The following RNF213 variants were observed in gnomAD, a reference collection of about 807,000 sequenced individuals.
The protein encoded by RNF213 is E3 ubiquitin-protein ligase RNF213.
Under a neutral mutation model 514.4 loss-of-function variants are expected in RNF213, and 341 were observed. That is an observed-to-expected ratio of 0.66 (90% CI 0.61 to 0.73). RNF213 has a LOEUF of 0.73. Among genes scored for constraint, RNF213 ranks in the 30% least tolerant of loss-of-function variants. The pLI is 0.00. For missense variants in RNF213, 5,767 were observed against 6,615.6 expected, an observed-to-expected ratio of 0.87 and a Z score of 4.45; for synonymous variants, 2,655 against 2,658.2, an observed-to-expected ratio of 1.00 and a Z score of 0.04.
In RNF213 at chr17:80,387,274, TTGTG is replaced by T. The variant is rs1282501769; in HGVS notation, c.14922+385_14922+388del. 2.0e-5 allele frequency among the ~76,000 whole-genome samples: 3 copies of T among 151,900 alleles called. 1 individual carries two copies. Among genetic ancestry groups the T allele is most frequent in the Admixed American group, 1.3e-4 (2 of 15,304 alleles). ...GTGTGCACCACCATGCCCAGCTAAT[TTGTG>T]TATTTTTTGGTAGAGATGGGGCTTC... On this transcript the variant is annotated intron_variant, in intron 63 of 67. Coordinates refer to ENST00000582970, the MANE Select transcript of RNF213 (RefSeq NM_001256071.3).
intron 11 of RNF213, among the ~76,000 whole-genome samples, chr17:80,299,753 C>T (rs1180331618): frequency 5.9e-5 from 9 of 151,996 alleles, no homozygotes; most frequent in Non-Finnish European, 1.5e-5. Flanking sequence ...TGTGTTGTTC[C>T]CCTCTATGTG....
In RNF213 at chr17:80,343,717, C is replaced by T. The variant is rs1346400741; in HGVS notation, c.6184-140C>T. 54 of 883,986 alleles carry T rather than the reference C, an allele frequency of 6.1e-5. No homozygotes were observed. Among genetic ancestry groups the T allele is most frequent in the Non-Finnish European group, 1.0e-4 (53 of 522,120 alleles). 54.8% of individuals were successfully genotyped at this position (883,986 alleles called of 1,614,324 possible). A position where few individuals can be genotyped will look rare whatever the true frequency, so the allele number is the denominator to read the frequency against. On this transcript the variant is annotated intron_variant, in intron 27 of 67. Coordinates refer to ENST00000582970, the MANE Select transcript of RNF213 (RefSeq NM_001256071.3). This position sits in a 1 kb window ranked among gnomAD's most constrained non-coding sequence, Gnocchi z 4.3. ...GATTTTATGGGGCTGCCCTTGGAGA[C>T]ATGGGCCGTTGTTGGCTGAAATGTT...
At position 80,327,930 on chromosome 17, in the gene RNF213, T is replaced by G; in HGVS notation, c.3308T>G (p.Val1103Gly). The change falls in exon 19 of 68, where the codon GTT (valine) becomes GGT (glycine). Residue 1103 changes from valine to glycine, a missense_variant. Transcript: ENST00000582970. ...GACCTCCTAAGTGGCACGATTTTAG[T>G]TGGACAACTGGAGCTGATTATAAAG... The part of the protein sequence containing the change: ...VGDLLSGTIL[V>G]GQLELIIKHK... 6.5e-7 allele frequency: 1 copy of G among 1,537,252 alleles called. No homozygotes were observed.
intron 14 of RNF213, among the ~76,000 whole-genome samples, chr17:80,311,198 A>G (rs2045558541): frequency 6.6e-6 from 1 of 152,224 alleles, no homozygotes; most frequent in South Asian, 2.1e-4. Flanking sequence ...ATAAAAGCAA[A>G]CAAACAAACA....
At chr17:80,330,015 C>T (rs1348002903) in intron 20 of RNF213, among the ~76,000 whole-genome samples, 3 of 152,100 alleles carry the variant, frequency 2.0e-5, no homozygotes, top group Non-Finnish European at 2.9e-5. Flanking sequence ...CATCATTTTT[C>T]TCTCGGATTT....
intron 3 of RNF213, among the ~76,000 whole-genome samples, chr17:80,279,510 G>A (rs1168643388): frequency 6.6e-6 from 1 of 151,726 alleles, no homozygotes; most frequent in Non-Finnish European, 1.5e-5. Context: ...TGTCGCCCAA[G>A]CTGGAGTGCA....
chr17:80,282,633 T>C (rs8077768), intron 3 of RNF213, among the ~76,000 whole-genome samples: 78,353 of 151,772 alleles, frequency 0.52, 20,681 homozygotes, highest in East Asian at 0.62. Context: ...CTCCTGACCT[T>C]GTGATCCACC....
intron 7 of RNF213, 148 bp from the exon 8 acceptor site, chr17:80,291,480 C>T (rs146961787): frequency 6.1e-5 from 48 of 791,722 alleles, no homozygotes; most frequent in African/African-American, 5.2e-4. Context: ...GCCTCAGCCT[C>T]CCATGGTGTT....
Position 80,340,230 on chromosome 17 carries a change from C to A in RNF213, c.5863C>A (p.Pro1955Thr). ...QHKVFVTPQAPLEAIQAYLAG... is the reference protein window; with the variant it reads ...QHKVFVTPQATLEAIQAYLAG... ...CAAGGTCTTCGTCACCCCCCAGGCA[C>A]CCCTCGAGGCCATCCAAGCCTACCT... The change falls in exon 26 of 68, where the codon CCC (proline) becomes ACC (threonine). Residue 1955 changes from proline (P) to threonine (T), a missense_variant. Physicochemically the swap from Pro to Thr is conservative, Grantham distance 38. Transcript: ENST00000582970. 6.2e-7 allele frequency: 1 copy of A among 1,614,182 alleles called. No homozygotes were observed. Among genetic ancestry groups the A allele is most frequent in the Non-Finnish European group, 8.5e-7 (1 of 1,180,022 alleles).
intron 8 of RNF213, 200 bp downstream of exon 8, chr17:80,292,027 G>A: frequency 1.5e-6 from 1 of 654,662 alleles, no homozygotes; most frequent in South Asian, 1.7e-5. Flanking sequence ...AGATGTGTTG[G>A]CTTCTCCTTT....
chr17:80,283,639 C>T (rs1342545293), intron 3 of RNF213, among the ~76,000 whole-genome samples: 1 of 152,178 alleles, frequency 6.6e-6, no homozygotes, highest in Non-Finnish European at 1.5e-5. Flanking sequence ...GGGGTGCTGG[C>T]AGCTGTTCCT....
Position 80,350,348 on chromosome 17 carries a change from C to T in RNF213, c.10136C>T (p.Thr3379Ile), listed in dbSNP as rs1293085578. 6.2e-7 allele frequency: 1 copy of T among 1,612,040 alleles called. No individual in the cohort carries two copies. Among genetic ancestry groups the T allele is most frequent in the African/African-American group, 1.3e-5 (1 of 74,966 alleles). ...AAATGTAAAATCCTCATTTTTCAGA[C>T]AGATTTTGAAGATGGAATCCGTAGC... The part of the protein sequence containing the change: ...TAKCKILIFQ[T>I]DFEDGIRSAQ... Residue 3379 changes from threonine (T) to isoleucine (I), a missense_variant, in exon 31 of 68, where the codon ACA becomes ATA. Thr to Ile is a moderately conservative substitution (Grantham distance 89). Coordinates refer to ENST00000582970, the MANE Select transcript of RNF213 (RefSeq NM_001256071.3).
intron 3 of RNF213, among the ~76,000 whole-genome samples, chr17:80,282,002 G>A (rs1008979628): frequency 6.6e-6 from 1 of 151,962 alleles, no homozygotes; most frequent in Non-Finnish European, 1.5e-5. Flanking sequence ...GACTATAGGC[G>A]CCTGCCACCA....
In RNF213 at chr17:80,347,611, C is replaced by G; in HGVS notation, c.9276C>G (p.Ile3092Met). 2 of 1,614,182 alleles carry G rather than the reference C, an allele frequency of 1.2e-6. No homozygotes were observed. The highest frequency in any genetic ancestry group is 2.2e-5 in the South Asian group (2 of 91,082). Residue 3092 changes from isoleucine to methionine, a missense_variant, in exon 29 of 68, where the codon ATC becomes ATG. Physicochemically the swap from Ile to Met is conservative, Grantham distance 10. Transcript: ENST00000582970. The surrounding 1 kb of genome is among the most constrained non-coding windows in gnomAD (Gnocchi z 7.2). ...QLCRNINRVKICMETGKMVLL... is the reference protein window; with the variant it reads ...QLCRNINRVKMCMETGKMVLL... ...GCAGAAACATCAATCGTGTGAAGAT[C>G]TGCATGGAAACAGGCAAGATGGTGT...
chr17:80,287,796 T>A lies in RNF213; in HGVS notation c.262-19T>A. 6.2e-7 allele frequency: 1 copy of A among 1,610,050 alleles called. No individual in the cohort carries two copies. Among genetic ancestry groups the A allele is most frequent in the Non-Finnish European group, 8.5e-7 (1 of 1,176,756 alleles). Reference sequence around the variant, plus strand: ...GAGTAAATCTAAGAAATAAAGTGAGTGTCTCTCTTTCTGTTTAGAGCAAAA... The same window carrying A: ...GAGTAAATCTAAGAAATAAAGTGAGAGTCTCTCTTTCTGTTTAGAGCAAAA... On this transcript the variant is annotated intron_variant, in intron 3 of 67. Transcript: ENST00000582970.
chr17:80,262,498 A>G (rs1419912038), intron 1 of RNF213, among the ~76,000 whole-genome samples: 1 of 152,112 alleles, frequency 6.6e-6, no homozygotes, highest in Non-Finnish European at 1.5e-5. Context: ...GGAACTGGCG[A>G]GGCCGCAGGC....
chr17:80,353,096 G>A lies in RNF213; in HGVS notation c.10423+37G>A. The A allele has an allele frequency of 6.2e-7, 1 of 1,607,234 alleles. No homozygotes were observed. Among genetic ancestry groups the A allele is most frequent in the Non-Finnish European group, 8.5e-7 (1 of 1,179,960 alleles). ...GGCGGAGCCCCTGGGGGAGCAGGTG[G>A]TGGAAGGGCAGATGGCAGGTGTGGA... On this transcript the variant is annotated intron_variant, in intron 33 of 67. Transcript: ENST00000582970. The surrounding 1 kb of genome is among the most constrained non-coding windows in gnomAD (Gnocchi z 5.0).
At chr17:80,389,054 T>C in intron 64 of RNF213, 119 bp from the exon 65 acceptor site, 1 of 949,984 alleles carries the variant, frequency 1.1e-6, no homozygotes, top group East Asian at 2.4e-5. Flanking sequence ...GTGTCAGCTG[T>C]TAGAGAGTTG....
chr17:80,382,053 G>C (rs529670326), intron 57 of RNF213: 1 of 364,322 alleles, frequency 2.7e-6, no homozygotes, highest in Non-Finnish European at 5.3e-6. Flanking sequence ...CTTCAGTTCC[G>C]AAGTCAGCCC....
Sources: gnomAD v4.1 joint callset for allele counts (sites outside exome capture counted in the v4.1 genomes callset) on GRCh38, gnomAD v4.1.1 for gene constraint, Gnocchi (gnomAD v3.1) non-coding constraint, MANE v1.5 for transcripts, NCBI Gene and HGNC (gene_info 2026-07-23, HGNC 2026-07-21) for gene names.